Variants in ARNT2 observed in about 807,000 individuals in gnomAD.
The protein encoded by ARNT2 is ARNT protein 2.
A neutral mutation model predicts 91.7 loss-of-function variants in ARNT2; 36 were observed. That is an observed-to-expected ratio of 0.39 (90% CI 0.30 to 0.52). ARNT2 has a LOEUF of 0.52. ARNT2 is among the 20% of genes least tolerant of loss of function. ARNT2 has a pLI of 0.72. For missense variants in ARNT2, 775 were observed against 939.3 expected (o/e 0.83, Z 2.29); for synonymous variants, 365 against 347.1 (o/e 1.05, Z -0.57).
chr15:80,437,760 A>G (rs1896112155), intron 1 of ARNT2, among the ~76,000 whole-genome samples: 3 of 152,164 alleles, frequency 2.0e-5, no homozygotes, highest in Admixed American at 2.0e-4. Context: ...CGAGCATTTC[A>G]CTTACCTTCG....
intron 1 of ARNT2, among the ~76,000 whole-genome samples, chr15:80,405,890 AAGAGAGAGAGAGAC>A (rs1567171549): frequency 6.6e-6 from 1 of 151,266 alleles, no homozygotes; most frequent in African/African-American, 2.5e-5. Flanking sequence ...TAAAATAGAA[AAGAGAGAGAGAGAC>A]AGAGAGAGAG....
chr15:80,520,583 A>G (rs1177006193), intron 8 of ARNT2, among the ~76,000 whole-genome samples: 1 of 152,070 alleles, frequency 6.6e-6, no homozygotes, highest in African/African-American at 2.4e-5. Context: ...AAATAAAAAT[A>G]AAAAAATACC....
intron 5 of ARNT2, among the ~76,000 whole-genome samples, chr15:80,487,364 G>A (rs1341929668): frequency 6.6e-6 from 1 of 152,224 alleles, no homozygotes; most frequent in Non-Finnish European, 1.5e-5. Context: ...TGAGAGCAGT[G>A]GCAGGTCGCC....
At chr15:80,501,976 T>A (rs1178387094) in intron 5 of ARNT2, among the ~76,000 whole-genome samples, 3 of 152,156 alleles carry the variant, frequency 2.0e-5, no homozygotes, top group African/African-American at 7.2e-5. Context: ...CAGAACAATA[T>A]CTGCTTCCAC....
chr15:80,425,422 A>G (rs1194842533), intron 1 of ARNT2, among the ~76,000 whole-genome samples: 2 of 152,236 alleles, frequency 1.3e-5, no homozygotes, highest in Non-Finnish European at 2.9e-5. Context: ...CTAAAATTCC[A>G]ATTTACTTAA....
Position 80,418,956 on chromosome 15 carries a change from G to T in ARNT2, c.31+14410G>T, listed in dbSNP as rs573007333. ...TTAGGTGCTGGGAATACACTGGGTGGAAAGAATGACAGAGTCTGTGCCTTC... is the reference window on the plus strand; with the variant it reads ...TTAGGTGCTGGGAATACACTGGGTGTAAAGAATGACAGAGTCTGTGCCTTC... On this transcript the variant is annotated intron_variant, in intron 1 of 18. Transcript: ENST00000303329. Among the ~76,000 whole-genome samples the T allele has an allele frequency of 3.3e-5, 5 of 152,302 alleles. No individual in the cohort carries two copies. In the East Asian group the frequency reaches 9.6e-4, roughly 29 times the overall value.
intron 1 of ARNT2, among the ~76,000 whole-genome samples, chr15:80,449,151 AAT>A (rs1442431863): frequency 1.3e-5 from 2 of 152,208 alleles, no homozygotes; most frequent in African/African-American, 4.8e-5. Context: ...AGGACTTGTC[AAT>A]ATGTTTTTAG....
intron 17 of ARNT2, among the ~76,000 whole-genome samples, chr15:80,583,437 A>G (rs993801064): frequency 6.6e-6 from 1 of 152,244 alleles, no homozygotes; most frequent in Non-Finnish European, 1.5e-5. Flanking sequence ...AGGAAGGACG[A>G]AGCCCTGGGT....
At chr15:80,450,399 G>A (rs1299132631) in intron 1 of ARNT2, among the ~76,000 whole-genome samples, 1 of 152,148 alleles carries the variant, frequency 6.6e-6, no homozygotes, top group Non-Finnish European at 1.5e-5. Context: ...AGTAGGCGTG[G>A]CAACCAGCCT....
intron 8 of ARNT2, among the ~76,000 whole-genome samples, chr15:80,530,691 G>A (rs531337580): frequency 6.6e-6 from 1 of 152,128 alleles, no homozygotes; most frequent in Admixed American, 6.5e-5. Context: ...TCAATCTGTT[G>A]AGCCAAAAGC....
intron 8 of ARNT2, among the ~76,000 whole-genome samples, chr15:80,544,708 C>T (rs900670487): frequency 2.6e-5 from 4 of 152,176 alleles, no homozygotes; most frequent in African/African-American, 9.7e-5. Flanking sequence ...ACCTAAAGTA[C>T]TGTGGGCACA....
chr15:80,430,575 A>G (rs1234385035), intron 1 of ARNT2, among the ~76,000 whole-genome samples: 3 of 152,170 alleles, frequency 2.0e-5, no homozygotes, highest in African/African-American at 4.8e-5. Context: ...TCTCAACGGG[A>G]GCTGCAAATA....
At chr15:80,457,590 A>G (rs1018122489) in intron 2 of ARNT2, among the ~76,000 whole-genome samples, 20 of 152,248 alleles carry the variant, frequency 1.3e-4, no homozygotes, top group Admixed American at 3.3e-4. Flanking sequence ...GGTGAGAGAA[A>G]AGGAAGAGAC....
intron 1 of ARNT2, among the ~76,000 whole-genome samples, chr15:80,416,637 TG>T (rs917387683): frequency 1.3e-4 from 20 of 152,208 alleles, no homozygotes; most frequent in Non-Finnish European, 2.6e-4. Context: ...TTTGTTTGTT[TG>T]TTTGTTTTTT....
At chr15:80,508,308 T>C (rs747116642) in intron 6 of ARNT2, 50 bp downstream of exon 6, 3 of 1,584,642 alleles carry the variant, frequency 1.9e-6, no homozygotes, top group Non-Finnish European at 2.6e-6. Flanking sequence ...TTGCTCCTTT[T>C]TCTGTCACCG....
chr15:80,483,127 T>G (rs1896914175), intron 5 of ARNT2, among the ~76,000 whole-genome samples: 1 of 152,210 alleles, frequency 6.6e-6, no homozygotes, highest in Non-Finnish European at 1.5e-5. Context: ...GTTTCATGGG[T>G]ACACTGCACT....
At chr15:80,416,867 G>A (rs1895792670) in intron 1 of ARNT2, among the ~76,000 whole-genome samples, 1 of 152,142 alleles carries the variant, frequency 6.6e-6, no homozygotes, top group Admixed American at 6.5e-5. Context: ...TCAAGGTCGT[G>A]TATAGACAAG....
chr15:80,483,933 G>A (rs1360465173), intron 5 of ARNT2, among the ~76,000 whole-genome samples: 3 of 152,220 alleles, frequency 2.0e-5, no homozygotes, highest in Non-Finnish European at 2.9e-5. Context: ...AGAATGTCAG[G>A]CAGATAATTG....
chr15:80,546,016 T>C (rs1897983993), intron 8 of ARNT2, among the ~76,000 whole-genome samples: 1 of 152,226 alleles, frequency 6.6e-6, no homozygotes, highest in African/African-American at 2.4e-5. Context: ...GTTTGGCTGC[T>C]GGTCAGTCTA....
Sources: gnomAD v4.1 joint callset for allele counts (sites outside exome capture counted in the v4.1 genomes callset) on GRCh38, gnomAD v4.1.1 for gene constraint, MANE v1.5 for transcripts, NCBI Gene and HGNC (gene_info 2026-07-23, HGNC 2026-07-21) for gene names.